Variants in RNF17 observed in about 807,000 individuals in gnomAD.
The protein encoded by RNF17 is spermatogenesis associated 23.
RNF17 carries 31 observed loss-of-function variants against 200.5 expected under a neutral mutation model. That is an observed-to-expected ratio of 0.15 (90% CI 0.12 to 0.21). The LOEUF is 0.21. Ranked by LOEUF, RNF17 falls within the 10% of genes least tolerant of loss-of-function variation. The probability of loss-of-function intolerance (pLI) is 1.00; values close to 1 mark genes in which losing one functional copy is unlikely to be tolerated. For synonymous variants in RNF17, 606 were observed against 637.8 expected (o/e 0.95, Z 0.75); for missense variants, 1,628 against 1,905.1 (o/e 0.85, Z 2.71).
At chr13:24,817,364 C>T (rs1044393236) in intron 15 of RNF17, among the ~76,000 whole-genome samples, 7 of 152,092 alleles carry the variant, frequency 4.6e-5, no homozygotes, top group African/African-American at 1.7e-4. Flanking sequence ...AGGAATTTGT[C>T]CATTTCATGT....
intron 15 of RNF17, among the ~76,000 whole-genome samples, chr13:24,814,217 AGTT>A (rs370396354): frequency 1.3e-4 from 20 of 152,338 alleles, no homozygotes; most frequent in Non-Finnish European, 2.6e-4. Flanking sequence ...GAAGAGCAGA[AGTT>A]GGTCTTGCTG....
In RNF17 at chr13:24,831,061, T is replaced by C. The variant is rs150361838; in HGVS notation, c.2361+462T>C. On this transcript the variant is annotated intron_variant, in intron 17 of 35. Coordinates refer to ENST00000255324, the MANE Select transcript of RNF17 (RefSeq NM_031277.3). ...AAGGGTAAGAAGGAGCCTTGTTTTCTAATTTATATACTGTTGTTTGAGTTG... is the reference window on the plus strand; with the variant it reads ...AAGGGTAAGAAGGAGCCTTGTTTTCCAATTTATATACTGTTGTTTGAGTTG... 2.5e-3 allele frequency among the ~76,000 whole-genome samples: 377 copies of C among 152,366 alleles called. 1 individual carries two copies. Among genetic ancestry groups the C allele is most frequent in the African/African-American group, 8.6e-3 (357 of 41,588 alleles).
chr13:24,870,705 A>G lies in RNF17; in HGVS notation c.4413A>G (p.Val1471=). The G allele has an allele frequency of 6.2e-7, 1 of 1,614,188 alleles. No homozygotes were observed. The highest frequency in any genetic ancestry group is 1.1e-5 in the South Asian group (1 of 91,082). ...CACTGCAGAGGGTTAATAAGAAGGT[A>G]GAGGCGCTTCCTCCTCTGACGGATT... The part of the protein sequence containing the change: ...DEALQRVNKK[V]EALPPLTDFR... The change falls in exon 32 of 36, where the codon GTA becomes GTG. Residue 1471 remains valine (V), a synonymous_variant. Coordinates refer to ENST00000255324, the MANE Select transcript of RNF17 (RefSeq NM_031277.3).
At chr13:24,778,761 A>C (rs959651198) in intron 4 of RNF17, among the ~76,000 whole-genome samples, 3 of 152,196 alleles carry the variant, frequency 2.0e-5, no homozygotes, top group African/African-American at 7.2e-5. Flanking sequence ...CAAAAGGCCT[A>C]ATTATGTTTG....
upstream of RNF17, among the ~76,000 whole-genome samples, chr13:24,762,674 CCACA>C (rs1005672384): frequency 6.6e-6 from 1 of 152,114 alleles, no homozygotes; most frequent in African/African-American, 2.4e-5. Flanking sequence ...TTCTAGTTAC[CCACA>C]CACAGTGTAG....
chr13:24,772,703 C>T (rs1177032980), intron 2 of RNF17, among the ~76,000 whole-genome samples: 10 of 151,848 alleles, frequency 6.6e-5, no homozygotes, highest in African/African-American at 2.4e-4. Flanking sequence ...CTCCTCCTCC[C>T]AGGTTCACGC....
intron 16 of RNF17, among the ~76,000 whole-genome samples, chr13:24,828,344 C>G (rs1031246710): frequency 2.0e-5 from 3 of 152,052 alleles, no homozygotes; most frequent in African/African-American, 7.3e-5. Context: ...TGTTGAACTC[C>G]CTCTTGAAGA....
At chr13:24,786,741 ATAT>A (rs1883157389) in intron 6 of RNF17, among the ~76,000 whole-genome samples, 1 of 152,094 alleles carries the variant, frequency 6.6e-6, no homozygotes, top group Non-Finnish European at 1.5e-5. Flanking sequence ...TTTGCAGATA[ATAT>A]TATTGAGGAT....
At chr13:24,832,111 T>C in intron 18 of RNF17, 133 bp downstream of exon 18, 1 of 612,012 alleles carries the variant, frequency 1.6e-6, no homozygotes, top group Non-Finnish European at 2.7e-6. Flanking sequence ...TGTTGAGAAT[T>C]AGGTACAATG....
intron 2 of RNF17, among the ~76,000 whole-genome samples, chr13:24,770,938 G>A (rs1238226986): frequency 1.3e-5 from 2 of 152,086 alleles, no homozygotes; most frequent in Non-Finnish European, 2.9e-5. Flanking sequence ...CATATTTTGA[G>A]CTTGTTATAT....
the RNF17 span, among the ~76,000 whole-genome samples, chr13:24,886,611 C>T: frequency 2.0e-5 from 3 of 152,120 alleles, no homozygotes. Context: ...AGATGGCAGA[C>T]AAGGCTCTGG....
upstream of RNF17, among the ~76,000 whole-genome samples, chr13:24,760,145 A>AT (rs1165123335): frequency 2.6e-5 from 4 of 152,208 alleles, no homozygotes; most frequent in East Asian, 5.8e-4. Context: ...CATCTCAAAA[A>AT]ATATATATAT....
chr13:24,883,469 C>T, downstream of RNF17: 1 of 863,328 alleles, frequency 1.2e-6, no homozygotes, highest in Non-Finnish European at 1.8e-6. Context: ...CTGGCAGCTA[C>T]TTCTGGAGAC....
chr13:24,885,538 T>G, the RNF17 span: 4 of 1,292,326 alleles, frequency 3.1e-6, no homozygotes, highest in Admixed American at 6.7e-5. Flanking sequence ...AAACGTTAAG[T>G]CTATTAACAA....
chr13:24,878,614 A>C (rs75895892), intron 34 of RNF17, among the ~76,000 whole-genome samples: 2,452 of 152,242 alleles, frequency 0.016, 66 homozygotes, highest in African/African-American at 0.052. Context: ...AAACCAAAGA[A>C]TCTGGAGGCT....
chr13:24,752,785 G>T, the RNF17 span, among the ~76,000 whole-genome samples: 2 of 152,308 alleles, frequency 1.3e-5, no homozygotes, highest in African/African-American at 2.4e-5. Flanking sequence ...GTCCAGGGGT[G>T]GGGGAGCCCT....
chr13:24,797,705 A>AGTTTGTGTGTCT (rs59493601), intron 11 of RNF17, among the ~76,000 whole-genome samples: 136 of 119,074 alleles, frequency 1.1e-3, no homozygotes, highest in East Asian at 3.6e-3. Flanking sequence ...AGAGACAAAG[A>AGTTTGTGTGTCT]GTGTGTGTGT....
chr13:24,809,508 G>C (rs1886323325), intron 15 of RNF17, among the ~76,000 whole-genome samples: 1 of 152,030 alleles, frequency 6.6e-6, no homozygotes, highest in Non-Finnish European at 1.5e-5. Context: ...CATTTTTATT[G>C]CGTCTATTTG....
chr13:24,768,701 A>G lies in RNF17; in HGVS notation c.225+1335A>G, dbSNP rs189681525. Reference sequence around the variant, plus strand: ...GCATGAGATCTAGAATGCAGTTCTCATTCTGTCAGTCTAGCCTGGGTTTCC... The same window carrying G: ...GCATGAGATCTAGAATGCAGTTCTCGTTCTGTCAGTCTAGCCTGGGTTTCC... On this transcript the variant is annotated intron_variant, in intron 2 of 35. Transcript: ENST00000255324. Among the ~76,000 whole-genome samples, 338 of 152,058 alleles carry G rather than the reference A, an allele frequency of 2.2e-3. 1 individual carries two copies. Among genetic ancestry groups the G allele is most frequent in the Non-Finnish European group, 3.7e-3 (251 of 67,996 alleles).
Sources: allele counts gnomAD v4.1 joint callset (sites outside exome capture counted in the v4.1 genomes callset), GRCh38; gene constraint gnomAD v4.1.1; transcripts MANE v1.5; gene names NCBI Gene and HGNC (gene_info 2026-07-23, HGNC 2026-07-21).